CHD2: variants seen among roughly 807,000 people sequenced by gnomAD.
The protein encoded by CHD2 is chromodomain helicase DNA binding protein 2.
Under a neutral mutation model 243.9 loss-of-function variants are expected in CHD2, and 28 were observed. The ratio of observed to expected loss-of-function variants is 0.11; its 90% CI spans 0.09 to 0.16. The LOEUF (loss-of-function observed/expected upper bound fraction) is 0.16. Among genes scored for constraint, CHD2 ranks in the 10% least tolerant of loss-of-function variants. The pLI is 1.00. For synonymous variants in CHD2, 775 were observed against 779.0 expected (o/e 0.99, Z 0.09); for missense variants, 1,386 against 2,209.8 (o/e 0.63, Z 7.47).
intron 17 of CHD2, 135 bp downstream of exon 17, chr15:92,967,648 A>G (rs1214157014): frequency 7.6e-6 from 4 of 523,616 alleles, no homozygotes; most frequent in African/African-American, 2.1e-5. Context: ...GCCTCAGCCT[A>G]CCGAGTAGCT....
intron 2 of CHD2, among the ~76,000 whole-genome samples, chr15:92,910,938 A>G (rs1417817231): frequency 1.3e-5 from 2 of 152,180 alleles, no homozygotes; most frequent in Non-Finnish European, 2.9e-5. Context: ...CTAGGCCACA[A>G]CTGTATAGAG....
intron 35 of CHD2, among the ~76,000 whole-genome samples, chr15:93,012,057 T>C (rs1323736779): frequency 6.6e-6 from 1 of 152,204 alleles, no homozygotes; most frequent in African/African-American, 2.4e-5. Context: ...GTACGGTAAG[T>C]CCTCACATAA....
chr15:92,900,552 C>G lies in CHD2; in HGVS notation c.-344C>G. The G allele has an allele frequency of 2.5e-6, 1 of 398,580 alleles. No individual in the cohort carries two copies. The highest frequency in any genetic ancestry group is 1.3e-4 in the South Asian group (1 of 7,850). 24.7% of individuals were successfully genotyped at this position (398,580 alleles called of 1,614,324 possible). On this transcript the variant is annotated 5_prime_UTR_variant, in exon 1 of 39. Transcript: ENST00000394196. ...TCGTGCCTTGTTGGAAAGAAGCAGC[C>G]GTACTGAGAGCCCAGGTCGTTGTTT...
chr15:92,959,624 TG>T (rs2053659437), intron 16 of CHD2, among the ~76,000 whole-genome samples: 1 of 152,204 alleles, frequency 6.6e-6, no homozygotes, highest in Non-Finnish European at 1.5e-5. Context: ...CCCAAGTAGC[TG>T]GGATTACAGG....
intron 2 of CHD2, 91 bp downstream of exon 2, chr15:92,901,390 T>A: frequency 1.3e-6 from 1 of 785,480 alleles, no homozygotes; most frequent in Non-Finnish European, 2.2e-6. Flanking sequence ...CATGGATTGC[T>A]GTCTGTTTTA....
At position 93,000,657 on chromosome 15, in the gene CHD2, C is replaced by A; in HGVS notation, c.4137+17C>A. 6.2e-7 allele frequency: 1 copy of A among 1,601,474 alleles called. No homozygotes were observed. Among genetic ancestry groups the A allele is most frequent in the Non-Finnish European group, 8.5e-7 (1 of 1,174,512 alleles). On this transcript the variant is annotated intron_variant, in intron 32 of 38. Coordinates refer to ENST00000394196, the MANE Select transcript of CHD2 (RefSeq NM_001271.4). ...GAAGTGAAAGTATGAAGTGGGGTTTCGGTTGAGGGTTATTTATTTATTTTA... is the reference window on the plus strand; with the variant it reads ...GAAGTGAAAGTATGAAGTGGGGTTTAGGTTGAGGGTTATTTATTTATTTTA...
intron 2 of CHD2, chr15:92,902,173 G>T (rs1425422991): frequency 5.0e-6 from 2 of 397,784 alleles, no homozygotes; most frequent in Middle Eastern, 6.2e-4. Context: ...TATTTCGACA[G>T]AGTCGTCTGG....
intron 31 of CHD2, among the ~76,000 whole-genome samples, chr15:93,000,098 A>G (rs2054234807): frequency 6.6e-6 from 1 of 152,128 alleles, no homozygotes; most frequent in South Asian, 2.1e-4. Context: ...GTTTCTACTA[A>G]AGACACACAA....
intron 13 of CHD2, among the ~76,000 whole-genome samples, chr15:92,951,130 G>A (rs989914368): frequency 6.6e-6 from 1 of 152,104 alleles, no homozygotes; most frequent in Non-Finnish European, 1.5e-5. Context: ...GAGTCACATG[G>A]TGTTTTGTGT....
At chr15:92,962,900 T>C (rs1430168699) in intron 16 of CHD2, among the ~76,000 whole-genome samples, 1 of 152,226 alleles carries the variant, frequency 6.6e-6, no homozygotes, top group Non-Finnish European at 1.5e-5. Context: ...ATTTGACCTC[T>C]AATGATATTT....
intron 22 of CHD2, 26 bp downstream of exon 22, chr15:92,979,309 A>T (rs762765305): frequency 5.8e-5 from 94 of 1,609,580 alleles, no homozygotes; most frequent in Non-Finnish European, 7.7e-5. Flanking sequence ...ATTGGGAGGT[A>T]GGCAGAATCA....
intron 2 of CHD2, among the ~76,000 whole-genome samples, chr15:92,919,748 A>G (rs1364519904): frequency 2.6e-5 from 4 of 152,192 alleles, no homozygotes; most frequent in African/African-American, 9.7e-5. Flanking sequence ...GTAGGGTGGG[A>G]TGTACTTGCC....
intron 9 of CHD2, 103 bp from the exon 10 acceptor site, chr15:92,944,312 A>G (rs1372920008): frequency 1.8e-6 from 1 of 562,724 alleles, no homozygotes; most frequent in Non-Finnish European, 3.3e-6. Context: ...GGCAGATGGG[A>G]GTAAAAAATA....
chr15:92,939,827 C>T (rs2053328880), intron 7 of CHD2, 109 bp downstream of exon 7: 1 of 1,173,574 alleles, frequency 8.5e-7, no homozygotes, highest in Non-Finnish European at 1.2e-6. Context: ...AAAATAACAG[C>T]CTATGTCCTG....
chr15:92,984,823 A>C (rs78835543), intron 25 of CHD2, among the ~76,000 whole-genome samples: 2 of 152,216 alleles, frequency 1.3e-5, no homozygotes, highest in South Asian at 4.1e-4. Context: ...TTCAACTTTC[A>C]GAAAGTCACA....
chr15:92,943,622 T>C (rs1396642752), intron 9 of CHD2: 1 of 158,548 alleles, frequency 6.3e-6, no homozygotes, highest in Non-Finnish European at 1.4e-5. Context: ...CTCGTGTGTT[T>C]AGTTTACTTA....
At position 93,024,801 on chromosome 15, in the gene CHD2, G is replaced by A. The variant is rs2141762036; in HGVS notation, c.*96G>A. ...CCGGTTATCTAGACCAGTAAGTGGA[G>A]TTTTGGACATGCTGCTGCTGTCAAC... On this transcript the variant is annotated 3_prime_UTR_variant, in exon 39 of 39. Transcript: ENST00000394196. 3 of 1,050,156 alleles carry A rather than the reference G, an allele frequency of 2.9e-6. No homozygotes were observed. Among genetic ancestry groups the A allele is most frequent in the South Asian group, 3.3e-5 (2 of 60,796 alleles). 65.1% of individuals were successfully genotyped at this position (1,050,156 alleles called of 1,614,324 possible). A position where few individuals can be genotyped will look rare whatever the true frequency, so the allele number is the denominator to read the frequency against.
intron 14 of CHD2, chr15:92,953,803 T>C (rs1465832813): frequency 3.9e-6 from 2 of 518,738 alleles, no homozygotes; most frequent in Non-Finnish European, 6.8e-6. Context: ...GAATCTCTTT[T>C]AGCTGGGTTG....
chr15:92,968,371 A>G (rs1039435648), intron 17 of CHD2, among the ~76,000 whole-genome samples: 4 of 152,212 alleles, frequency 2.6e-5, no homozygotes, highest in African/African-American at 7.2e-5. Context: ...AAATAAAAAA[A>G]TTTTTAAAAA....
Sources: allele counts gnomAD v4.1 joint callset (sites outside exome capture counted in the v4.1 genomes callset), GRCh38; gene constraint gnomAD v4.1.1; transcripts MANE v1.5; gene names NCBI Gene and HGNC (gene_info 2026-07-23, HGNC 2026-07-21).